Variants in NID1 observed in about 807,000 individuals in gnomAD.
NID1 encodes the protein nidogen 1.
A neutral mutation model predicts 130.6 loss-of-function variants in NID1; 76 were observed. The observed-to-expected ratio is 0.58, with a 90% CI of 0.48 to 0.70. The LOEUF (loss-of-function observed/expected upper bound fraction) is 0.70, where lower values mean the gene tolerates loss of function less well. NID1 is among the 30% of genes least tolerant of loss of function. The pLI, the probability that NID1 is intolerant of heterozygous loss-of-function variation, is 0.00. For missense variants in NID1, 1,517 were observed against 1,664.8 expected (o/e 0.91, Z 1.54); for synonymous variants, 665 against 675.1 (o/e 0.98, Z 0.23).
At chr1:236,032,973 G>T (rs1236960387) in intron 5 of NID1, among the ~76,000 whole-genome samples, 1 of 152,150 alleles carries the variant, frequency 6.6e-6, no homozygotes, top group East Asian at 1.9e-4. Context: ...AATATCAGGG[G>T]TGACCTAGAA....
chr1:235,999,818 C>T (rs776495163), intron 12 of NID1, among the ~76,000 whole-genome samples: 21 of 152,090 alleles, frequency 1.4e-4, no homozygotes, highest in African/African-American at 3.9e-4. Flanking sequence ...TCCTCTCAGC[C>T]GAGGGCATTC....
At chr1:236,003,612 G>A (rs1471691503) in intron 12 of NID1, among the ~76,000 whole-genome samples, 1 of 152,134 alleles carries the variant, frequency 6.6e-6, no homozygotes, top group Non-Finnish European at 1.5e-5. Context: ...GCTCACACCT[G>A]TAATCCCAGA....
chr1:236,049,963 G>A (rs2102846555), intron 1 of NID1, among the ~76,000 whole-genome samples: 1 of 151,286 alleles, frequency 6.6e-6, no homozygotes, highest in Non-Finnish European at 1.5e-5. Flanking sequence ...TTGAACCCAG[G>A]AAGCGGAGGT....
At chr1:236,001,183 G>A (rs1035573993) in intron 12 of NID1, among the ~76,000 whole-genome samples, 2 of 148,814 alleles carry the variant, frequency 1.3e-5, no homozygotes, top group African/African-American at 2.5e-5. Context: ...TCAGCTTACC[G>A]CAACCTCTGC....
At chr1:236,024,998 T>C (rs1431939955) in intron 8 of NID1, among the ~76,000 whole-genome samples, 1 of 151,966 alleles carries the variant, frequency 6.6e-6, no homozygotes, top group African/African-American at 2.4e-5. Flanking sequence ...CTGCCCAGGC[T>C]GGAGTGCAGT....
At chr1:236,035,158 C>A (rs540279953) in intron 5 of NID1, among the ~76,000 whole-genome samples, 26 of 109,256 alleles carry the variant, frequency 2.4e-4, no homozygotes, top group Non-Finnish European at 3.2e-4. Flanking sequence ...CCCACCCCAC[C>A]ACAGTCCCCA....
Position 236,064,552 on chromosome 1 carries a change from C to T in NID1, c.225+303G>A. ...AGCCGAGGGACGCGGACTGACCTCC[C>T]TGCGGCGATGCAGCCCACAGCCGCC... On this transcript the variant is annotated intron_variant, in intron 1 of 19. Coordinates refer to ENST00000264187, the MANE Select transcript of NID1 (RefSeq NM_002508.3). 8.6e-6 allele frequency: 3 copies of T among 348,150 alleles called. No individual in the cohort carries two copies. In the South Asian group the frequency reaches 9.4e-5, roughly 11 times the overall value. The allele number at this position is 348,150 out of a possible 1,614,324, so 21.6% of individuals were successfully genotyped here.
Position 235,989,966 on chromosome 1 carries a change from G to C in NID1, c.2928+920C>G, listed in dbSNP as rs149180078. On this transcript the variant is annotated intron_variant, in intron 14 of 19. Transcript: ENST00000264187. ...GAGGCCAGATCCTATAGGGCTTTGA[G>C]GGCCATAAAAAGGACTGGATTTTAT... 3.4e-3 allele frequency among the ~76,000 whole-genome samples: 513 copies of C among 152,340 alleles called. 3 individuals are homozygous for C. The highest frequency in any genetic ancestry group is 0.012 in the African/African-American group (487 of 41,574).
intron 9 of NID1, among the ~76,000 whole-genome samples, chr1:236,022,705 T>TG (rs1245268542): frequency 2.0e-5 from 3 of 151,818 alleles, no homozygotes; most frequent in Non-Finnish European, 2.9e-5. Flanking sequence ...GCTTGTGCAC[T>TG]GTAGGTGGGA....
chr1:236,056,609 C>T (rs1430798973), intron 1 of NID1, among the ~76,000 whole-genome samples: 1 of 152,092 alleles, frequency 6.6e-6, no homozygotes, highest in Non-Finnish European at 1.5e-5. Flanking sequence ...ATGTTTGTAC[C>T]CATTAACCAA....
intron 8 of NID1, among the ~76,000 whole-genome samples, chr1:236,025,567 T>C (rs1306428846): frequency 6.6e-6 from 1 of 152,154 alleles, no homozygotes; most frequent in Non-Finnish European, 1.5e-5. Context: ...TGGCCTACAA[T>C]TTCTTTCAAG....
intron 2 of NID1, among the ~76,000 whole-genome samples, chr1:236,046,813 T>C (rs1283086829): frequency 6.6e-6 from 1 of 152,198 alleles, no homozygotes; most frequent in Non-Finnish European, 1.5e-5. Flanking sequence ...CTCAGACAGA[T>C]AACAGTTGGC....
At chr1:235,987,652 A>G (rs1657612860) in intron 14 of NID1, among the ~76,000 whole-genome samples, 1 of 152,194 alleles carries the variant, frequency 6.6e-6, no homozygotes, top group Non-Finnish European at 1.5e-5. Context: ...CCTGGAAACT[A>G]TTGAAACACT....
rs879393399 is a variant in NID1 at position 236,003,186 on chromosome 1, CTGG to C, written c.2527+8732_2527+8734del. On this transcript the variant is annotated intron_variant, in intron 12 of 19. Coordinates refer to ENST00000264187, the MANE Select transcript of NID1 (RefSeq NM_002508.3). ...GGTAGTTGTCACTCCTAGTGAACGA[CTGG>C]TAGTTGTCACTCCTAGTGAACGACC... 6.8e-3 allele frequency among the ~76,000 whole-genome samples: 1,007 copies of C among 148,902 alleles called. 80 individuals carry two copies. The highest frequency in any genetic ancestry group is 0.013 in the South Asian group (60 of 4,730).
chr1:236,038,188 C>T lies in NID1; in HGVS notation c.1201G>A (p.Ala401Thr), dbSNP rs760767092. Residue 401 changes from alanine (A) to threonine (T), a missense_variant, in exon 5 of 20, where the codon GCA (alanine) becomes ACA (threonine). Ala to Thr is a moderately conservative substitution (Grantham distance 58). Transcript: ENST00000264187. Reference sequence around the variant, plus strand: ...CCCGTGGCGTAGTCCCTGCACTCTGCGTGCACCGAGCACTGGTGTCTGTTG... The same window carrying T: ...CCCGTGGCGTAGTCCCTGCACTCTGTGTGCACCGAGCACTGGTGTCTGTTG... The part of the protein sequence containing the change: ...ANNRHQCSVH[A>T]ECRDYATGFC... 2.6e-5 allele frequency: 42 copies of T among 1,613,452 alleles called. No homozygotes were observed. The highest frequency in any genetic ancestry group is 6.6e-5 in the South Asian group (6 of 91,000).
intron 3 of NID1, among the ~76,000 whole-genome samples, chr1:236,044,076 C>G (rs1360443799): frequency 6.6e-6 from 1 of 152,078 alleles, no homozygotes; most frequent in Non-Finnish European, 1.5e-5. Context: ...AGGGGACATA[C>G]ATTACTCAGT....
Position 236,048,729 on chromosome 1 carries a change from G to A in NID1, c.486C>T (p.Pro162=). ...CTGGGTCCCTGCTGGGCCCTTGGTA[G>A]GGGGCCACGGATTCCCAAGTGACAA... The part of the protein sequence containing the change: ...AVVVTWESVA[P]YQGPSRDPDQ... The change falls in exon 2 of 20, where the codon CCC becomes CCT. Residue 162 remains proline (P), a synonymous_variant. Coordinates refer to ENST00000264187, the MANE Select transcript of NID1 (RefSeq NM_002508.3). The A allele has an allele frequency of 6.2e-7, 1 of 1,612,542 alleles. No individual in the cohort carries two copies. Among genetic ancestry groups the A allele is most frequent in the Non-Finnish European group, 8.5e-7 (1 of 1,179,994 alleles).
rs543355529 is a variant in NID1, at chr1:236,041,901, T to C, written c.1135+9A>G. ...AGATCGTTACCAACTGCAACTTAAA[T>C]GGTCTTACCAACTCCTGTTTCCTCA... On this transcript the variant is annotated intron_variant, in intron 4 of 19. Coordinates refer to ENST00000264187, the MANE Select transcript of NID1 (RefSeq NM_002508.3). The C allele has an allele frequency of 2.3e-5, 37 of 1,593,382 alleles. No homozygotes were observed. In the South Asian group the frequency reaches 3.8e-4, roughly 16 times the overall value.
intron 9 of NID1, among the ~76,000 whole-genome samples, chr1:236,020,879 G>A (rs1000286760): frequency 2.0e-5 from 3 of 152,142 alleles, no homozygotes; most frequent in African/African-American, 7.2e-5. Flanking sequence ...GTCTACATGC[G>A]ACCACCTGTC....
Sources: allele counts gnomAD v4.1 joint callset (sites outside exome capture counted in the v4.1 genomes callset), GRCh38; gene constraint gnomAD v4.1.1; transcripts MANE v1.5; gene names NCBI Gene and HGNC (gene_info 2026-07-23, HGNC 2026-07-21).